Variants in ZIM3 observed in about 807,000 individuals in gnomAD.
ZIM3 encodes the protein zinc finger protein 657.
ZIM3 carries 11 observed loss-of-function variants against 12.9 expected under a neutral mutation model. The observed-to-expected ratio is 0.85, with a 90% CI of 0.54 to 1.41. The LOEUF is 1.41. Ranked by LOEUF, ZIM3 falls within the 40% of genes most tolerant of loss-of-function variation. ZIM3 has a pLI of 0.00. For missense variants in ZIM3, 604 were observed against 557.2 expected, an observed-to-expected ratio of 1.08 and a Z score of -0.85; for synonymous variants, 205 against 198.5, an observed-to-expected ratio of 1.03 and a Z score of -0.28.
In ZIM3 at chr19:57,135,762, T is replaced by C; in HGVS notation, c.575A>G (p.Gln192Arg). The C allele has an allele frequency of 6.2e-7, 1 of 1,614,132 alleles. No homozygotes were observed. Residue 192 changes from glutamine (Q) to arginine (R), a missense_variant, in exon 5 of 5, where the codon CAA becomes CGA. Coordinates refer to ENST00000269834, the MANE Select transcript of ZIM3 (RefSeq NM_052882.1). ...ACAGCTATGACATTCAAAGGGTTTT[T>C]GACAGGCATGCCTCCTCAGGTGACT... is the stretch of plus-strand genomic sequence containing the variant. ...LQSHLRRHAC[Q>R]KPFECHSCGR...
chr19:57,142,583 C>A lies in ZIM3; in HGVS notation c.15+46G>T. 3 of 1,605,808 alleles carry A rather than the reference C, an allele frequency of 1.9e-6. No homozygotes were observed. The South Asian group carries it at 3.3e-5, about 18-fold the overall frequency. ...AATTCTGAGCAAGAGGAACGTGGGT[C>A]ATACGTTTATTCATTATGAGATTTA... On this transcript the variant is annotated intron_variant, in intron 2 of 4. Coordinates refer to ENST00000269834, the MANE Select transcript of ZIM3 (RefSeq NM_052882.1).
intron 2 of ZIM3, among the ~76,000 whole-genome samples, chr19:57,139,036 T>C (rs2086902171): frequency 6.6e-6 from 1 of 152,014 alleles, no homozygotes; most frequent in South Asian, 2.1e-4. Context: ...AAGAACATTT[T>C]ATTATTTTGG....
intron 2 of ZIM3, among the ~76,000 whole-genome samples, chr19:57,139,803 C>A (rs1204272173): frequency 6.6e-6 from 1 of 152,174 alleles, no homozygotes; most frequent in Non-Finnish European, 1.5e-5. Flanking sequence ...TGACTGTAAT[C>A]TATTTTCCAC....
intron 3 of ZIM3, 42 bp downstream of exon 3, chr19:57,138,430 G>A (rs186442856): frequency 3.0e-5 from 48 of 1,613,504 alleles, no homozygotes; most frequent in African/African-American, 2.0e-4. Context: ...TGTGTTTCAC[G>A]CCTTAGGTTT....
chr19:57,138,172 C>T (rs955949422), intron 3 of ZIM3, among the ~76,000 whole-genome samples: 12 of 151,866 alleles, frequency 7.9e-5, no homozygotes, highest in Non-Finnish European at 2.9e-5. Flanking sequence ...GCTTTTTCTT[C>T]TTGGAGGATA....
At chr19:57,142,386 C>T (rs1273034823) in intron 2 of ZIM3, among the ~76,000 whole-genome samples, 5 of 152,060 alleles carry the variant, frequency 3.3e-5, no homozygotes. Flanking sequence ...AAGCGATCCG[C>T]CTGCCTTGGC....
Position 57,135,274 on chromosome 19 carries a change from T to G in ZIM3, c.1063A>C (p.Lys355Gln). ...SQKSNVIDHE[K>Q]IHTGKRAYEC... is the part of the protein sequence containing the mutation. Reference sequence around the variant, plus strand: ...TAAGCTCTCTTCCCAGTGTGAATTTTCTCATGATCGATGACATTGGATTTC... The same window carrying G: ...TAAGCTCTCTTCCCAGTGTGAATTTGCTCATGATCGATGACATTGGATTTC... The change falls in exon 5 of 5, where the codon AAA (lysine) becomes CAA (glutamine). Residue 355 changes from lysine (K) to glutamine (Q), a missense_variant. Coordinates refer to ENST00000269834, the MANE Select transcript of ZIM3 (RefSeq NM_052882.1). The G allele has an allele frequency of 6.2e-6, 10 of 1,614,148 alleles. No individual in the cohort carries two copies. The highest frequency in any genetic ancestry group is 8.5e-6 in the Non-Finnish European group (10 of 1,180,032).
At position 57,134,882 on chromosome 19, in the gene ZIM3, C is replaced by T; in HGVS notation, c.*36G>A. On this transcript the variant is annotated 3_prime_UTR_variant, in exon 5 of 5. Transcript: ENST00000269834. ...TTCTGGGGTGACAATTCCAGGCAACCATATCTTCCCATGTTTTTTTAAGTG... is the reference window on the plus strand; with the variant it reads ...TTCTGGGGTGACAATTCCAGGCAACTATATCTTCCCATGTTTTTTTAAGTG... 6.4e-7 allele frequency: 1 copy of T among 1,554,966 alleles called. No homozygotes were observed. Among genetic ancestry groups the T allele is most frequent in the Non-Finnish European group, 8.7e-7 (1 of 1,153,024 alleles).
intron 2 of ZIM3, among the ~76,000 whole-genome samples, chr19:57,141,545 G>A (rs566569436): frequency 1.8e-4 from 27 of 151,424 alleles, no homozygotes; most frequent in South Asian, 1.0e-3. Context: ...TGACCCTTCC[G>A]CTGTTAAAGC....
intron 1 of ZIM3, among the ~76,000 whole-genome samples, chr19:57,143,113 G>C (rs1240093140): frequency 6.6e-6 from 1 of 152,062 alleles, no homozygotes; most frequent in Non-Finnish European, 1.5e-5. Context: ...GGATCACGAG[G>C]TCAGGAGATC....
At chr19:57,138,034 A>AAGGAAAGAAG (rs1568458890) in intron 3 of ZIM3, among the ~76,000 whole-genome samples, 3 of 21,790 alleles carry the variant, frequency 1.4e-4, no homozygotes, top group Admixed American at 9.6e-4. Context: ...AAGGAAGGAA[A>AAGGAAAGAAG]GAAGGAAGGA....
In ZIM3 at chr19:57,135,621, AAG is replaced by A; in HGVS notation, c.714_715del (p.Phe239SerfsTer8). 5.0e-6 allele frequency: 8 copies of A among 1,611,970 alleles called. No individual in the cohort carries two copies. The highest frequency in any genetic ancestry group is 6.8e-6 in the Non-Finnish European group (8 of 1,178,238). On this transcript the variant is annotated frameshift_variant, in exon 5 of 5. Coordinates refer to ENST00000269834, the MANE Select transcript of ZIM3 (RefSeq NM_052882.1). LOFTEE classifies it low-confidence loss of function (END_TRUNC). ...TTTAGTATGCATTTTCTGATGTTGA[AAG>A]AGATTTGACTTCTGCTTGTAGGCAT...
At chr19:57,140,235 G>A (rs2122667445) in intron 2 of ZIM3, among the ~76,000 whole-genome samples, 1 of 152,210 alleles carries the variant, frequency 6.6e-6, no homozygotes, top group South Asian at 2.1e-4. Context: ...GGAGTGCAGT[G>A]GCACAATCTC....
intron 2 of ZIM3, among the ~76,000 whole-genome samples, chr19:57,141,357 A>AGC (rs1220196494): frequency 6.8e-6 from 1 of 148,074 alleles, no homozygotes; most frequent in East Asian, 2.0e-4. Context: ...GCCAAGATCA[A>AGC]GCCATTGCAC....
chr19:57,142,529 G>T, intron 2 of ZIM3, 100 bp downstream of exon 2: 1 of 1,306,924 alleles, frequency 7.7e-7, no homozygotes, highest in Admixed American at 1.9e-5. Flanking sequence ...GAAGGAAGGA[G>T]GAAAATATGC....
Position 57,143,498 on chromosome 19 carries a change from A to G in ZIM3, c.-42-813T>C, listed in dbSNP as rs376849485. On this transcript the variant is annotated intron_variant, in intron 1 of 4. Coordinates refer to ENST00000269834, the MANE Select transcript of ZIM3 (RefSeq NM_052882.1). ...TGAAGCAGCTGTGGTCGTGACGAAT[A>G]ACGCCGCAGTGAACATGGGATGCAG... 3.9e-5 allele frequency among the ~76,000 whole-genome samples: 6 copies of G among 152,198 alleles called. No individual in the cohort carries two copies. In the South Asian group the frequency reaches 1.2e-3, roughly 32 times the overall value.
intron 1 of ZIM3, among the ~76,000 whole-genome samples, chr19:57,143,829 C>T (rs534210099): frequency 6.6e-6 from 1 of 152,084 alleles, no homozygotes; most frequent in East Asian, 1.9e-4. Flanking sequence ...GCATGCACCA[C>T]CATGCCCAGC....
chr19:57,135,591 T>C lies in ZIM3; in HGVS notation c.746A>G (p.Lys249Arg), dbSNP rs138490483. 90 of 1,614,092 alleles carry C rather than the reference T, an allele frequency of 5.6e-5. No homozygotes were observed. In the African/African-American group the frequency reaches 1.0e-3, roughly 19 times the overall value. ...TCCACATGTCTTACACTGATAGGGT[T>C]TCTCTTTAGTATGCATTTTCTGATG... ...FQHQKMHTKE[K>R]PYQCKTCGKA... Residue 249 changes from lysine to arginine, a missense_variant, in exon 5 of 5, where the codon AAA becomes AGA. Lys to Arg is a conservative substitution (Grantham distance 26). Transcript: ENST00000269834.
Position 57,138,551 on chromosome 19 carries a change from C to T in ZIM3, c.63G>A (p.Glu21=). 1 of 1,614,178 alleles carries T rather than the reference C, an allele frequency of 6.2e-7. No individual in the cohort carries two copies. The highest frequency in any genetic ancestry group is 1.1e-5 in the South Asian group (1 of 91,084). ...EDVTVNFTQG[E]WQRLNPEQRN... is the part of the protein sequence containing the mutation. ...TCTGTTCGGGATTCAGCCGCTGCCA[C>T]TCCCCCTGGGTGAAGTTCACAGTGA... The change falls in exon 3 of 5, where the codon GAG becomes GAA. Residue 21 remains glutamate (E), a synonymous_variant. Transcript: ENST00000269834.
Sources: allele counts gnomAD v4.1 joint callset (sites outside exome capture counted in the v4.1 genomes callset), GRCh38; gene constraint gnomAD v4.1.1; transcripts MANE v1.5; gene names NCBI Gene and HGNC (gene_info 2026-07-23, HGNC 2026-07-21).